TFPI: variants seen among roughly 807,000 people sequenced by gnomAD.
TFPI encodes the protein tissue factor pathway inhibitor.
Under a neutral mutation model 34.6 loss-of-function variants are expected in TFPI, and 15 were observed. The ratio of observed to expected loss-of-function variants is 0.43; its 90% CI spans 0.29 to 0.67. The LOEUF (loss-of-function observed/expected upper bound fraction) is 0.67, where lower values mean the gene tolerates loss of function less well. Among genes scored for constraint, TFPI ranks in the 30% least tolerant of loss-of-function variants. The pLI, the probability that TFPI is intolerant of heterozygous loss-of-function variation, is 0.15. For synonymous variants in TFPI, 105 were observed against 120.1 expected, an observed-to-expected ratio of 0.87 and a Z score of 0.82; for missense variants, 301 against 364.0, an observed-to-expected ratio of 0.83 and a Z score of 1.41.
chr2:187,488,450 CAA>C (rs1026510891), intron 3 of TFPI, 75 bp from the exon 4 acceptor site: 17 of 925,796 alleles, frequency 1.8e-5, no homozygotes, highest in African/African-American at 6.9e-5. Flanking sequence ...ATTTAACAAA[CAA>C]GAGTGACATA....
At chr2:187,509,644 C>A (rs1227573831) in intron 1 of TFPI, among the ~76,000 whole-genome samples, 3 of 151,984 alleles carry the variant, frequency 2.0e-5, no homozygotes, top group Non-Finnish European at 4.4e-5. Context: ...GTGGTGATAT[C>A]CCCTTTATCA....
At chr2:187,506,361 A>G (rs1686220018) in intron 1 of TFPI, among the ~76,000 whole-genome samples, 1 of 152,158 alleles carries the variant, frequency 6.6e-6, no homozygotes. Context: ...TTTAAAAAAA[A>G]ATAGAGAAGA....
chr2:187,515,987 G>T (rs1398770056), intron 1 of TFPI: 1 of 152,126 alleles, frequency 6.6e-6, no homozygotes, highest in Non-Finnish European at 1.5e-5. Flanking sequence ...AAAAAATCAT[G>T]CAGTACTATG....
chr2:187,536,781 G>A (rs561370894), intron 1 of TFPI, among the ~76,000 whole-genome samples: 12 of 152,276 alleles, frequency 7.9e-5, no homozygotes, highest in African/African-American at 2.9e-4. Flanking sequence ...AATAGGAAAA[G>A]AGGAAGTCAA....
chr2:187,473,564 A>G (rs1692185180), intron 6 of TFPI, among the ~76,000 whole-genome samples: 1 of 152,080 alleles, frequency 6.6e-6, no homozygotes. Flanking sequence ...TATATGATAG[A>G]AATAATATGT....
intron 1 of TFPI, among the ~76,000 whole-genome samples, chr2:187,507,379 C>G (rs952324461): frequency 2.6e-5 from 4 of 151,924 alleles, no homozygotes; most frequent in African/African-American, 7.2e-5. Flanking sequence ...GTGAAAGCGT[C>G]TTTATGTAGA....
In TFPI at chr2:187,482,933, C is replaced by G. The variant is rs140527802; in HGVS notation, c.628+1191G>C. On this transcript the variant is annotated intron_variant, in intron 6 of 7. Transcript: ENST00000233156. Reference sequence around the variant, plus strand: ...ATGCTCCCTCGTAGATCTCATGTCTCTTTACACTTTTCATTTCCTCTTTAA... The same window carrying G: ...ATGCTCCCTCGTAGATCTCATGTCTGTTTACACTTTTCATTTCCTCTTTAA... Among the ~76,000 whole-genome samples the G allele has an allele frequency of 1.1e-4, 16 of 152,044 alleles. No individual in the cohort carries two copies. The East Asian group carries it at 3.1e-3, about 29-fold the overall frequency.
At chr2:187,507,038 C>G (rs980684165) in intron 1 of TFPI, among the ~76,000 whole-genome samples, 1 of 152,120 alleles carries the variant, frequency 6.6e-6, no homozygotes, top group South Asian at 2.1e-4. Flanking sequence ...AGGTATTTCT[C>G]CTAATGCTAT....
chr2:187,479,546 CATATATATATATATATATATATATAT>C (rs35837997), intron 6 of TFPI, among the ~76,000 whole-genome samples: 10 of 63,308 alleles, frequency 1.6e-4, no homozygotes, highest in South Asian at 1.6e-3. Flanking sequence ...ATATCACGTT[CATATATATATATATATATATATATAT>C]ATATATATAT....
rs8176561 is a variant in TFPI, at chr2:187,473,812, TC to T, written c.629-5881del. Among the ~76,000 whole-genome samples, 18 of 150,016 alleles carry T rather than the reference TC, an allele frequency of 1.2e-4. 1 individual carries two copies. The highest frequency in any genetic ancestry group is 4.4e-4 in the African/African-American group (18 of 40,592). On this transcript the variant is annotated intron_variant, in intron 6 of 7. Transcript: ENST00000233156. ...ACAAGCACTGTGGAGCTTTTTTTTT[TC>T]CCCCCGCATGTGTATACTGGGCCAC...
intron 1 of TFPI, among the ~76,000 whole-genome samples, chr2:187,511,196 G>A (rs1216035541): frequency 6.6e-6 from 1 of 152,318 alleles, no homozygotes; most frequent in South Asian, 2.1e-4. Context: ...GGCACTTGCA[G>A]TCTGGACATC....
At chr2:187,539,256 T>A (rs1198390706) in intron 1 of TFPI, among the ~76,000 whole-genome samples, 1 of 152,136 alleles carries the variant, frequency 6.6e-6, no homozygotes, top group Non-Finnish European at 1.5e-5. Flanking sequence ...CCAGTGATAA[T>A]AAAGTTCTAG....
chr2:187,521,238 G>A (rs1231263146), intron 1 of TFPI, among the ~76,000 whole-genome samples: 2 of 151,994 alleles, frequency 1.3e-5, no homozygotes, highest in East Asian at 3.9e-4. Context: ...ATTTTACTTA[G>A]TATACCATCC....
At chr2:187,552,311 G>A (rs1689125075) in intron 1 of TFPI, among the ~76,000 whole-genome samples, 1 of 151,912 alleles carries the variant, frequency 6.6e-6, no homozygotes, top group Admixed American at 6.6e-5. Context: ...TCTAAAGTTG[G>A]CATTTTTTCT....
In TFPI at chr2:187,478,910, A is replaced by C. The variant is rs577356943; in HGVS notation, c.628+5214T>G. On this transcript the variant is annotated intron_variant, in intron 6 of 7. Transcript: ENST00000233156. ...AAGTCTATAAACTGTATAGTACATT[A>C]TGTTTTTCTTCAAAAAAATCTTGTA... 75 of 840,174 alleles carry C rather than the reference A, an allele frequency of 8.9e-5. No homozygotes were observed. In the African/African-American group the frequency reaches 1.0e-3, roughly 11 times the overall value. The allele number at this position is 840,174 out of a possible 1,614,324, so 52.0% of individuals were successfully genotyped here.
At chr2:187,472,173 C>G (rs1410729490) in intron 6 of TFPI, among the ~76,000 whole-genome samples, 1 of 151,970 alleles carries the variant, frequency 6.6e-6, no homozygotes, top group Admixed American at 6.6e-5. Context: ...ATATAATATT[C>G]TATATTACTA....
At chr2:187,540,356 C>T (rs998154776) in intron 1 of TFPI, among the ~76,000 whole-genome samples, 2 of 152,052 alleles carry the variant, frequency 1.3e-5, no homozygotes, top group Non-Finnish European at 2.9e-5. Flanking sequence ...ATCACAGAAG[C>T]CCCACTGCAT....
At chr2:187,503,504 C>CAAAA in intron 2 of TFPI, 144 bp downstream of exon 2, 1 of 761,574 alleles carries the variant, frequency 1.3e-6, no homozygotes, top group Non-Finnish European at 2.0e-6. Flanking sequence ...CACACACATA[C>CAAAA]ATTAGGTATA....
Position 187,466,930 on chromosome 2 carries a change from A to G in TFPI, c.*6T>C, listed in dbSNP as rs1189162374. On this transcript the variant is annotated 3_prime_UTR_variant, in exon 8 of 8. Transcript: ENST00000233156. ...GTAGAATTAATGTTACATTGCTATA[A>G]CAAATTCACATATTTTTAACAAAAA... 7 of 1,428,000 alleles carry G rather than the reference A, an allele frequency of 4.9e-6. No individual in the cohort carries two copies. Among genetic ancestry groups the G allele is most frequent in the Admixed American group, 3.6e-5 (2 of 54,856 alleles). 88.5% of individuals were successfully genotyped at this position (1,428,000 alleles called of 1,614,324 possible). A position where few individuals can be genotyped will look rare whatever the true frequency, so the allele number is the denominator to read the frequency against.
Sources: allele counts gnomAD v4.1 joint callset (sites outside exome capture counted in the v4.1 genomes callset), GRCh38; gene constraint gnomAD v4.1.1; transcripts MANE v1.5; gene names NCBI Gene and HGNC (gene_info 2026-07-23, HGNC 2026-07-21).